NCAN: variants seen among roughly 807,000 people sequenced by gnomAD.
NCAN encodes the protein neurocan.
NCAN carries 47 observed loss-of-function variants against 121.8 expected under a neutral mutation model. The ratio of observed to expected loss-of-function variants is 0.39; its 90% CI spans 0.31 to 0.49. The LOEUF is 0.49. Ranked by LOEUF, NCAN falls within the 20% of genes least tolerant of loss-of-function variation. The pLI is 0.92. For missense variants in NCAN, 1,517 were observed against 1,773.4 expected, an observed-to-expected ratio of 0.86 and a Z score of 2.60; for synonymous variants, 633 against 702.0, an observed-to-expected ratio of 0.90 and a Z score of 1.55.
At position 19,212,031 on chromosome 19, in the gene NCAN, G is replaced by C. The variant is rs1172313049; in HGVS notation, c.-41G>C. On this transcript the variant is annotated 5_prime_UTR_variant, in exon 1 of 15. Coordinates refer to ENST00000252575, the MANE Select transcript of NCAN (RefSeq NM_004386.3). The surrounding 1 kb of genome is among the most constrained non-coding windows in gnomAD (Gnocchi z 4.5). ...GAGCGCAGCGTCCTTTGTGCCCGGC[G>C]GCCGCCCCGGGATGCGTCCGAGCTA... 2 of 212,852 alleles carry C rather than the reference G, an allele frequency of 9.4e-6. No homozygotes were observed. Among genetic ancestry groups the C allele is most frequent in the Non-Finnish European group, 2.0e-5 (2 of 99,802 alleles). 13.2% of individuals were successfully genotyped at this position (212,852 alleles called of 1,614,324 possible).
At position 19,224,023 on chromosome 19, in the gene NCAN, G is replaced by A; in HGVS notation, c.478G>A (p.Val160Ile). The change falls in exon 4 of 15, where the codon GTT becomes ATT. Residue 160 changes from valine to isoleucine, a missense_variant and splice_region_variant. Transcript: ENST00000252575. ...CCATCCTGGATGTTCCCCCACAGGT[G>A]TTGTGTTCCACTACCGATCAGCCCG... ...QDLVPLEVTG[V>I]VFHYRSARDR... 2.0e-6 allele frequency: 3 copies of A among 1,519,620 alleles called. No individual in the cohort carries two copies. The highest frequency in any genetic ancestry group is 2.7e-6 in the Non-Finnish European group (3 of 1,128,596). 94.1% of individuals were successfully genotyped at this position (1,519,620 alleles called of 1,614,324 possible). A position where few individuals can be genotyped will look rare whatever the true frequency, so the allele number is the denominator to read the frequency against.
chr19:19,216,873 T>A, intron 1 of NCAN, 74 bp from the exon 2 acceptor site: 1 of 833,552 alleles, frequency 1.2e-6, no homozygotes, highest in East Asian at 3.0e-5. Context: ...TGGGGGAGTT[T>A]GGTCCTGCAA....
intron 12 of NCAN, among the ~76,000 whole-genome samples, chr19:19,243,560 C>T (rs565928911): frequency 7.1e-6 from 1 of 141,768 alleles, no homozygotes; most frequent in East Asian, 2.0e-4. Flanking sequence ...CTGGAAATAA[C>T]AATGATGGTT....
At chr19:19,216,686 C>T (rs753106680) in intron 1 of NCAN, among the ~76,000 whole-genome samples, 7 of 152,212 alleles carry the variant, frequency 4.6e-5, no homozygotes, top group Non-Finnish European at 4.4e-5. Flanking sequence ...AAGCAGTCCT[C>T]CCACCTCAGC....
Position 19,212,966 on chromosome 19 carries a change from G to T in NCAN, c.-8+902G>T, listed in dbSNP as rs2060780791. ...TGGACACATGTGGAAGCGCTGGCTT[G>T]GTTTGGGGGCACAGGGGCTGGGAAG... On this transcript the variant is annotated intron_variant, in intron 1 of 14. Transcript: ENST00000252575. This position sits in a 1 kb window ranked among gnomAD's most constrained non-coding sequence, Gnocchi z 4.5. 6.6e-6 allele frequency among the ~76,000 whole-genome samples: 1 copy of T among 152,214 alleles called. No individual in the cohort carries two copies. The highest frequency in any genetic ancestry group is 1.5e-5 in the Non-Finnish European group (1 of 68,028).
At position 19,250,150 on chromosome 19, in the gene NCAN, G is replaced by A. The variant is rs1468608309; in HGVS notation, c.*239G>A. 1 of 666,738 alleles carries A rather than the reference G, an allele frequency of 1.5e-6. No homozygotes were observed. Among genetic ancestry groups the A allele is most frequent in the Admixed American group, 2.1e-5 (1 of 48,586 alleles). 41.3% of individuals were successfully genotyped at this position (666,738 alleles called of 1,614,324 possible). On this transcript the variant is annotated 3_prime_UTR_variant, in exon 15 of 15. Transcript: ENST00000252575. ...GTTCATTCTCGTCTGGCTGAACTCT[G>A]GGAGTGTGTCCCAGCTGAGGGAAGC... is the stretch of plus-strand genomic sequence containing the variant.
At position 19,227,629 on chromosome 19, in the gene NCAN, C is replaced by A; in HGVS notation, c.2009C>A (p.Ser670Tyr). The change falls in exon 8 of 15, where the codon TCC becomes TAC. Residue 670 changes from serine to tyrosine, a missense_variant. Coordinates refer to ENST00000252575, the MANE Select transcript of NCAN (RefSeq NM_004386.3). This position sits in a 1 kb window ranked among gnomAD's most constrained non-coding sequence, Gnocchi z 4.2. ...HGEATATAPP[S>Y]PAAETKVYSL... ...GAGGCCACCGCCACGGCTCCACCCT[C>A]CCCTGCTGCAGAGACCAAGGTGTAT... 6.2e-7 allele frequency: 1 copy of A among 1,613,962 alleles called. No homozygotes were observed. The highest frequency in any genetic ancestry group is 8.5e-7 in the Non-Finnish European group (1 of 1,180,028).
intron 11 of NCAN, among the ~76,000 whole-genome samples, chr19:19,239,457 C>T (rs2060894244): frequency 7.4e-6 from 1 of 134,810 alleles, no homozygotes; most frequent in South Asian, 2.6e-4. Flanking sequence ...CCTCCCCCTC[C>T]TCTCCCTCCT....
At chr19:19,249,674 T>C in intron 14 of NCAN, 92 bp from the exon 15 acceptor site, 1 of 1,513,288 alleles carries the variant, frequency 6.6e-7, no homozygotes, top group Non-Finnish European at 8.8e-7. Context: ...GCCTCTTTCC[T>C]CTACTTTCTC....
chr19:19,242,120 G>T (rs1170094245), intron 12 of NCAN, among the ~76,000 whole-genome samples: 1 of 151,916 alleles, frequency 6.6e-6, no homozygotes, highest in Non-Finnish European at 1.5e-5. Flanking sequence ...ACTTGAACCC[G>T]GGAGGCAGAG....
At chr19:19,230,344 C>T (rs945731920) in intron 8 of NCAN, among the ~76,000 whole-genome samples, 13 of 151,002 alleles carry the variant, frequency 8.6e-5, no homozygotes, top group Non-Finnish European at 1.6e-4. Flanking sequence ...AGCACCCAGT[C>T]GAGTTGCACA....
intron 12 of NCAN, among the ~76,000 whole-genome samples, chr19:19,244,351 C>T (rs79396655): frequency 0.036 from 5,325 of 146,774 alleles, 154 homozygotes; most frequent in South Asian, 0.1. Context: ...CTCCATCACC[C>T]GGGCTGGAGT....
At chr19:19,214,792 G>A (rs1599805431) in intron 1 of NCAN, among the ~76,000 whole-genome samples, 1 of 151,330 alleles carries the variant, frequency 6.6e-6, no homozygotes, top group Admixed American at 6.6e-5. Context: ...GAATTCTCTG[G>A]CCTTGTCCTC....
rs2060941230 is a variant in NCAN, at chr19:19,250,048, C to T, written c.*137C>T. Reference sequence around the variant, plus strand: ...AACCACATCCCCCACACACATAATCCTTTGTACAAAGCTCCTCTTTTCCCT... The same window carrying T: ...AACCACATCCCCCACACACATAATCTTTTGTACAAAGCTCCTCTTTTCCCT... On this transcript the variant is annotated 3_prime_UTR_variant, in exon 15 of 15. Coordinates refer to ENST00000252575, the MANE Select transcript of NCAN (RefSeq NM_004386.3). 1 of 921,308 alleles carries T rather than the reference C, an allele frequency of 1.1e-6. No homozygotes were observed. The highest frequency in any genetic ancestry group is 1.4e-5 in the South Asian group (1 of 70,838). The allele number at this position is 921,308 out of a possible 1,614,324, so 57.1% of individuals were successfully genotyped here.
rs535541663 is a variant in NCAN, at chr19:19,250,181, T to C, written c.*270T>C. On this transcript the variant is annotated 3_prime_UTR_variant, in exon 15 of 15. Coordinates refer to ENST00000252575, the MANE Select transcript of NCAN (RefSeq NM_004386.3). The stretch of plus-strand genomic sequence containing the variant: ...GTGTCCCAGCTGAGGGAAGCACAAG[T>C]AGCAAAGCTCATTGGTCTGGTCTCT... 2.1e-5 allele frequency: 13 copies of C among 623,520 alleles called. No individual in the cohort carries two copies. The highest frequency in any genetic ancestry group is 3.3e-5 in the Non-Finnish European group (11 of 334,362). The allele number at this position is 623,520 out of a possible 1,614,324, so 38.6% of individuals were successfully genotyped here. A position where few individuals can be genotyped will look rare whatever the true frequency, so the allele number is the denominator to read the frequency against.
chr19:19,229,348 G>A (rs767856565), intron 8 of NCAN, among the ~76,000 whole-genome samples: 4 of 152,200 alleles, frequency 2.6e-5, no homozygotes, highest in Admixed American at 6.5e-5. Context: ...AGGATTCCCC[G>A]AGTCTGAGGA....
intron 8 of NCAN, among the ~76,000 whole-genome samples, chr19:19,231,808 C>T (rs376950887): frequency 2.0e-4 from 30 of 152,012 alleles, no homozygotes; most frequent in Middle Eastern, 3.4e-3. Context: ...AGTGAGACCC[C>T]GTCTCTACAA....
In NCAN at chr19:19,246,603, G is replaced by A. The variant is rs538501064; in HGVS notation, c.3637+1146G>A. 3.9e-5 allele frequency among the ~76,000 whole-genome samples: 6 copies of A among 152,002 alleles called. No individual in the cohort carries two copies. In the East Asian group the frequency reaches 9.7e-4, roughly 25 times the overall value. On this transcript the variant is annotated intron_variant, in intron 13 of 14. Transcript: ENST00000252575. ...AGCTGGAGTGCAGTATTGCAGTCTC[G>A]GCTCACTGCAACCTCCGCCTCTGAG...
At chr19:19,219,340 C>T (rs1441723176) in intron 3 of NCAN, 24 bp downstream of exon 3, 28 of 1,474,650 alleles carry the variant, frequency 1.9e-5, no homozygotes, top group Non-Finnish European at 2.5e-5. Flanking sequence ...AAAGGAGGGG[C>T]CGGGGGCCGG....
Sources: allele counts gnomAD v4.1 joint callset (sites outside exome capture counted in the v4.1 genomes callset), GRCh38; gene constraint gnomAD v4.1.1; non-coding constraint Gnocchi (gnomAD v3.1); transcripts MANE v1.5; gene names NCBI Gene and HGNC (gene_info 2026-07-23, HGNC 2026-07-21).